CSMD3: variants seen among roughly 807,000 people sequenced by gnomAD.
CSMD3 encodes the protein CUB and Sushi multiple domains 3, also known as CUB and sushi domain-containing protein 3.
Under a neutral mutation model 435.2 loss-of-function variants are expected in CSMD3, and 177 were observed. The observed-to-expected ratio is 0.41, with a 90% CI of 0.36 to 0.46. The LOEUF is 0.46. CSMD3 is among the 20% of genes least tolerant of loss of function. The pLI, the probability that CSMD3 is intolerant of heterozygous loss-of-function variation, is 0.34. For synonymous variants in CSMD3, 1,656 were observed against 1,520.5 expected, an observed-to-expected ratio of 1.09 and a Z score of -2.07; for missense variants, 4,265 against 4,504.6, an observed-to-expected ratio of 0.95 and a Z score of 1.52.
In CSMD3 at chr8:112,281,185, G is replaced by T. The variant is rs1471445827; in HGVS notation, c.9497C>A (p.Pro3166His). The T allele has an allele frequency of 6.2e-7, 1 of 1,611,374 alleles. No homozygotes were observed. The highest frequency in any genetic ancestry group is 8.5e-7 in the Non-Finnish European group (1 of 1,177,782). Residue 3166 changes from proline (P) to histidine (H), a missense_variant, in exon 59 of 71, where the codon CCT becomes CAT. Pro to His is a moderately conservative substitution (Grantham distance 77). Transcript: ENST00000297405. Reference protein sequence around the residue: ...TANGTWSGTLPNCTIISCGDP... With the variant: ...TANGTWSGTLHNCTIISCGDP... ...GAGAATATACTTACTTGTACAGTTA[G>T]GTAAAGTTCCAGACCATGTTCCATT...
chr8:113,414,786 C>T (rs989862226), intron 1 of CSMD3, among the ~76,000 whole-genome samples: 6 of 151,292 alleles, frequency 4.0e-5, no homozygotes, highest in African/African-American at 1.5e-4. Context: ...CATGGTGAAA[C>T]TCTTTCTCTA....
intron 12 of CSMD3, among the ~76,000 whole-genome samples, chr8:112,813,587 T>A (rs2079287754): frequency 6.6e-6 from 1 of 152,090 alleles, no homozygotes; most frequent in South Asian, 2.1e-4. Flanking sequence ...CAGGGAAACT[T>A]ACAGCAAAAT....
chr8:112,752,166 C>T (rs574938818), intron 13 of CSMD3, among the ~76,000 whole-genome samples: 1 of 152,246 alleles, frequency 6.6e-6, no homozygotes, highest in South Asian at 2.1e-4. Flanking sequence ...GTTGACTATC[C>T]TCTCCGCCTT....
At chr8:113,032,556 A>C (rs908749586) in intron 5 of CSMD3, among the ~76,000 whole-genome samples, 2 of 151,614 alleles carry the variant, frequency 1.3e-5, no homozygotes, top group African/African-American at 4.8e-5. Flanking sequence ...TTATTTTGAA[A>C]GTGTACATTT....
At chr8:113,206,058 C>T (rs2092767559) in intron 3 of CSMD3, among the ~76,000 whole-genome samples, 1 of 151,956 alleles carries the variant, frequency 6.6e-6, no homozygotes, top group South Asian at 2.1e-4. Flanking sequence ...GCTGTTTTTG[C>T]ACTACAAGGG....
At chr8:112,516,891 T>C (rs1823723313) in intron 28 of CSMD3, 143 bp downstream of exon 28, 1 of 649,154 alleles carries the variant, frequency 1.5e-6, no homozygotes, top group East Asian at 2.7e-5. Flanking sequence ...TACAATTTTG[T>C]ACATTCTGCG....
At chr8:112,557,109 C>G (rs1482433133) in intron 24 of CSMD3, among the ~76,000 whole-genome samples, 155 bp from the exon 25 acceptor site, 1 of 151,894 alleles carries the variant, frequency 6.6e-6, no homozygotes, top group East Asian at 1.9e-4. Context: ...ATACAACAAC[C>G]ATGCAGACCT....
chr8:112,396,506 G>T (rs1297191623), intron 35 of CSMD3, among the ~76,000 whole-genome samples: 1 of 152,242 alleles, frequency 6.6e-6, no homozygotes, highest in South Asian at 2.1e-4. Flanking sequence ...ATTTGTGAAG[G>T]TTTAAGCAAG....
At chr8:112,482,007 TAA>T (rs545753557) in intron 31 of CSMD3, among the ~76,000 whole-genome samples, 1 of 146,978 alleles carries the variant, frequency 6.8e-6, no homozygotes. Flanking sequence ...TTTTTAATAC[TAA>T]AAAAAAAAAA....
chr8:112,550,704 T>C lies in CSMD3; in HGVS notation c.4531A>G (p.Ile1511Val), dbSNP rs369194830. 86 of 1,608,144 alleles carry C rather than the reference T, an allele frequency of 5.3e-5. No individual in the cohort carries two copies. In the Middle Eastern group the frequency reaches 9.9e-4, roughly 19 times the overall value. ...VTIQFDTDFY[I>V]SKSGFAIQFS... ...TGAATTGCAAATCCAGATTTGCTAA[T>C]ATAAAAATCCGTGTCAAACTGGATG... is the stretch of plus-strand genomic sequence containing the variant. The change falls in exon 27 of 71, where the codon ATT (isoleucine) becomes GTT (valine). Residue 1511 changes from isoleucine to valine, a missense_variant. Coordinates refer to ENST00000297405, the MANE Select transcript of CSMD3 (RefSeq NM_198123.2).
chr8:113,425,756 C>T (rs1204346119), intron 1 of CSMD3, among the ~76,000 whole-genome samples: 2 of 151,446 alleles, frequency 1.3e-5, no homozygotes, highest in East Asian at 3.9e-4. Flanking sequence ...GTAAAAAGAG[C>T]GTTGAACATG....
At chr8:113,375,514 T>TACACACACACACAC (rs3221516) in intron 1 of CSMD3, among the ~76,000 whole-genome samples, 8 of 69,228 alleles carry the variant, frequency 1.2e-4, no homozygotes, top group African/African-American at 2.3e-4. Flanking sequence ...GACTATTTAA[T>TACACACACACACAC]ACACACACAC....
chr8:113,413,958 A>T (rs2094570590), intron 1 of CSMD3, among the ~76,000 whole-genome samples: 1 of 152,216 alleles, frequency 6.6e-6, no homozygotes, highest in South Asian at 2.1e-4. Flanking sequence ...TTACCCTTTA[A>T]AGATCTTACC....
chr8:112,612,182 G>GA (rs796792816), intron 22 of CSMD3, among the ~76,000 whole-genome samples: 2 of 151,976 alleles, frequency 1.3e-5, no homozygotes, highest in African/African-American at 2.4e-5. Flanking sequence ...ATTTTCCTGA[G>GA]AAAAAAATCT....
At chr8:113,146,515 C>A (rs1268526607) in intron 4 of CSMD3, among the ~76,000 whole-genome samples, 1 of 151,492 alleles carries the variant, frequency 6.6e-6, no homozygotes, top group Non-Finnish European at 1.5e-5. Context: ...AATTTAATAT[C>A]AGGATTGGGA....
intron 5 of CSMD3, among the ~76,000 whole-genome samples, chr8:113,069,085 A>C (rs1423704078): frequency 6.6e-6 from 1 of 152,118 alleles, no homozygotes; most frequent in Non-Finnish European, 1.5e-5. Flanking sequence ...ATTTTCTGAT[A>C]TATATGAACT....
chr8:113,169,584 A>C (rs897148092), intron 4 of CSMD3, among the ~76,000 whole-genome samples: 1 of 152,152 alleles, frequency 6.6e-6, no homozygotes, highest in Non-Finnish European at 1.5e-5. Context: ...TAATTTAGCC[A>C]TATGTTTCCT....
At chr8:112,696,787 C>A (rs1410426802) in intron 13 of CSMD3, among the ~76,000 whole-genome samples, 8 of 151,468 alleles carry the variant, frequency 5.3e-5, no homozygotes, top group African/African-American at 1.5e-4. Flanking sequence ...AGTGAACAGG[C>A]AACCTACAGA....
At chr8:112,542,999 A>G (rs1019214114) in intron 27 of CSMD3, among the ~76,000 whole-genome samples, 2 of 152,110 alleles carry the variant, frequency 1.3e-5, no homozygotes, top group African/African-American at 4.8e-5. Flanking sequence ...CACAAAGGGG[A>G]GAGGATAGTC....
Sources: allele counts gnomAD v4.1 joint callset (sites outside exome capture counted in the v4.1 genomes callset), GRCh38; gene constraint gnomAD v4.1.1; transcripts MANE v1.5; gene names NCBI Gene and HGNC (gene_info 2026-07-23, HGNC 2026-07-21).